RALGPS1: variants seen among roughly 807,000 people sequenced by gnomAD.
The protein encoded by RALGPS1 is ras-specific guanine nucleotide-releasing factor RalGPS1.
A neutral mutation model predicts 78.8 loss-of-function variants in RALGPS1; 19 were observed. That is an observed-to-expected ratio of 0.24 (90% CI 0.17 to 0.35). RALGPS1 has a LOEUF of 0.35. Among genes scored for constraint, RALGPS1 ranks in the 10% least tolerant of loss-of-function variants. The probability of loss-of-function intolerance (pLI) is 1.00; values close to 1 mark genes in which losing one functional copy is unlikely to be tolerated. For missense variants in RALGPS1, 454 were observed against 688.3 expected (o/e 0.66, Z 3.81); for synonymous variants, 228 against 256.3 (o/e 0.89, Z 1.06).
chr9:127,215,689 T>C (rs2131005236), intron 18 of RALGPS1, among the ~76,000 whole-genome samples: 1 of 152,312 alleles, frequency 6.6e-6, no homozygotes, highest in South Asian at 2.1e-4. Context: ...AGCAAAAGAC[T>C]GGAAGCACAT....
At chr9:127,021,220 G>A (rs562924294) in intron 4 of RALGPS1, among the ~76,000 whole-genome samples, 63 of 152,116 alleles carry the variant, frequency 4.1e-4, no homozygotes, top group Middle Eastern at 6.8e-3. Flanking sequence ...AGACCCTGCC[G>A]GCCAGGCTTG....
chr9:127,120,827 C>CA (rs968011060), intron 8 of RALGPS1, among the ~76,000 whole-genome samples: 4,546 of 121,784 alleles, frequency 0.037, 82 homozygotes, highest in East Asian at 0.091. Flanking sequence ...GACTCCATCT[C>CA]AAAAAAAAAA....
chr9:127,085,997 T>C (rs189641186), intron 8 of RALGPS1, among the ~76,000 whole-genome samples: 24 of 152,332 alleles, frequency 1.6e-4, no homozygotes, highest in Admixed American at 5.9e-4. Context: ...GATTAATTGC[T>C]GCCGGGGTAT....
At chr9:127,147,441 A>G (rs1242058017) in intron 8 of RALGPS1, among the ~76,000 whole-genome samples, 1 of 152,226 alleles carries the variant, frequency 6.6e-6, no homozygotes, top group African/African-American at 2.4e-5. Context: ...TTAGCCAAAA[A>G]TTCTTTGCCA....
At chr9:127,061,044 G>A (rs1035073541) in intron 7 of RALGPS1, among the ~76,000 whole-genome samples, 1 of 152,202 alleles carries the variant, frequency 6.6e-6, no homozygotes, top group Non-Finnish European at 1.5e-5. Flanking sequence ...GTCTGTCCTC[G>A]TGAGTGTTTC....
chr9:127,053,071 A>T (rs2048424986), intron 7 of RALGPS1, 132 bp downstream of exon 7: 2 of 675,414 alleles, frequency 3.0e-6, no homozygotes, highest in Non-Finnish European at 5.2e-6. Context: ...AGTTGATGAC[A>T]GTTCTGTAGG....
chr9:127,186,323 G>C (rs1212139181), intron 11 of RALGPS1, among the ~76,000 whole-genome samples: 1 of 152,248 alleles, frequency 6.6e-6, no homozygotes, highest in East Asian at 1.9e-4. Flanking sequence ...CTCTGAGATA[G>C]TCAAGCCACA....
chr9:127,088,979 A>G, intron 8 of RALGPS1: 1 of 1,614,000 alleles, frequency 6.2e-7, no homozygotes, highest in South Asian at 1.1e-5. Context: ...CATCATCACC[A>G]CTTTCTTGAG....
At chr9:127,126,016 C>T (rs1353571330) in intron 8 of RALGPS1, among the ~76,000 whole-genome samples, 1 of 151,996 alleles carries the variant, frequency 6.6e-6, no homozygotes, top group African/African-American at 2.4e-5. Context: ...TCAGGGGATG[C>T]AGGTATACTG....
chr9:127,113,516 C>T (rs567908084), intron 8 of RALGPS1, among the ~76,000 whole-genome samples: 66 of 151,388 alleles, frequency 4.4e-4, no homozygotes, highest in African/African-American at 1.4e-3. Context: ...ACCCCCACCC[C>T]GGCATTCCAG....
chr9:127,167,523 A>G (rs2059356063), intron 9 of RALGPS1, among the ~76,000 whole-genome samples: 2 of 152,174 alleles, frequency 1.3e-5, no homozygotes, highest in African/African-American at 4.8e-5. Flanking sequence ...GAAAATGGGG[A>G]TAGGATTCAT....
chr9:127,182,392 C>CCCTCCCTCCCTT (rs1564738328), intron 11 of RALGPS1, among the ~76,000 whole-genome samples: 1 of 52,410 alleles, frequency 1.9e-5, no homozygotes, highest in Non-Finnish European at 4.4e-5. Flanking sequence ...CTCCCTCCCT[C>CCCTCCCTCCCTT]CCTCCCTTCC....
At chr9:127,069,116 C>T (rs771669929) in intron 7 of RALGPS1, 114 bp from the exon 8 acceptor site, 40 of 1,042,144 alleles carry the variant, frequency 3.8e-5, no homozygotes, top group South Asian at 4.9e-5. Context: ...GTCCAGGATT[C>T]GGCACACCAT....
intron 14 of RALGPS1, chr9:127,210,611 TATGTTGTC>T (rs1336067758): frequency 2.0e-6 from 2 of 1,019,930 alleles, no homozygotes; most frequent in Non-Finnish European, 3.0e-6. Context: ...GCTAATTGAC[TATGTTGTC>T]GGGGTGCTCT....
At chr9:127,159,382 G>A (rs936726742) in intron 8 of RALGPS1, among the ~76,000 whole-genome samples, 9 of 152,188 alleles carry the variant, frequency 5.9e-5, no homozygotes, top group African/African-American at 2.2e-4. Flanking sequence ...TGTCCAGACA[G>A]CAGGACTTTG....
chr9:127,131,219 T>G (rs1278324315), intron 8 of RALGPS1, among the ~76,000 whole-genome samples: 1 of 152,202 alleles, frequency 6.6e-6, no homozygotes, highest in Non-Finnish European at 1.5e-5. Context: ...GATTTGTTGC[T>G]TCTCACCCAG....
chr9:126,992,519 A>G (rs2042372672), intron 4 of RALGPS1, among the ~76,000 whole-genome samples: 1 of 152,238 alleles, frequency 6.6e-6, no homozygotes, highest in Non-Finnish European at 1.5e-5. Context: ...TTCAATATGC[A>G]TTTTAGGATC....
chr9:127,116,763 G>A (rs1315403056), intron 8 of RALGPS1, among the ~76,000 whole-genome samples: 1 of 152,234 alleles, frequency 6.6e-6, no homozygotes, highest in East Asian at 1.9e-4. Flanking sequence ...GACAACCAAT[G>A]TTTGTGTCTG....
Position 127,222,751 on chromosome 9 carries a change from G to A in RALGPS1, c.*3982G>A, listed in dbSNP as rs904517952. 3 of 152,594 alleles carry A rather than the reference G, an allele frequency of 2.0e-5. No individual in the cohort carries two copies. The highest frequency in any genetic ancestry group is 2.9e-5 in the Non-Finnish European group (2 of 68,034). 9.5% of individuals were successfully genotyped at this position (152,594 alleles called of 1,614,324 possible). The stretch of plus-strand genomic sequence containing the variant: ...TATGGTATAATCTTTAATAAATTTC[G>A]TGCCAAAATGCATGGTTTTCCACTT... On this transcript the variant is annotated 3_prime_UTR_variant, in exon 19 of 19. Coordinates refer to ENST00000259351, the MANE Select transcript of RALGPS1 (RefSeq NM_014636.3).
Sources: allele counts gnomAD v4.1 joint callset (sites outside exome capture counted in the v4.1 genomes callset), GRCh38; gene constraint gnomAD v4.1.1; transcripts MANE v1.5; gene names NCBI Gene and HGNC (gene_info 2026-07-23, HGNC 2026-07-21).